LRRTM3: variants seen among roughly 807,000 people sequenced by gnomAD.
The protein encoded by LRRTM3 is leucine rich repeat transmembrane neuronal 3.
LRRTM3 carries 24 observed loss-of-function variants against 44.7 expected under a neutral mutation model. That is an observed-to-expected ratio of 0.54 (90% CI 0.39 to 0.76). The LOEUF (loss-of-function observed/expected upper bound fraction) is 0.76. Ranked by LOEUF, LRRTM3 falls within the 30% of genes least tolerant of loss-of-function variation. The probability of loss-of-function intolerance (pLI) is 0.00; values close to 1 mark genes in which losing one functional copy is unlikely to be tolerated. For synonymous variants in LRRTM3, 277 were observed against 278.7 expected, an observed-to-expected ratio of 0.99 and a Z score of 0.06; for missense variants, 587 against 702.2, an observed-to-expected ratio of 0.84 and a Z score of 1.85.
chr10:67,006,219 A>G (rs931185812), intron 2 of LRRTM3, among the ~76,000 whole-genome samples: 1 of 152,088 alleles, frequency 6.6e-6, no homozygotes, highest in African/African-American at 2.4e-5. Flanking sequence ...CAGAGTCAGG[A>G]TTTAAGTTTA....
In LRRTM3 at chr10:67,099,456, C is replaced by A. The variant is rs962521230; in HGVS notation, c.*1660C>A. The A allele has an allele frequency of 2.0e-5, 3 of 151,476 alleles. No homozygotes were observed. Among genetic ancestry groups the A allele is most frequent in the African/African-American group, 7.3e-5 (3 of 41,268 alleles). 9.4% of individuals were successfully genotyped at this position (151,476 alleles called of 1,614,324 possible). A position where few individuals can be genotyped will look rare whatever the true frequency, so the allele number is the denominator to read the frequency against. ...TCAATCTAACAGGGGCCAATCAAAACAATGAAGAAAAGAATAACTGAAAAC... is the reference window on the plus strand; with the variant it reads ...TCAATCTAACAGGGGCCAATCAAAAAAATGAAGAAAAGAATAACTGAAAAC... On this transcript the variant is annotated 3_prime_UTR_variant, in exon 3 of 3. Coordinates refer to ENST00000361320, the MANE Select transcript of LRRTM3 (RefSeq NM_178011.5).
intron 2 of LRRTM3, among the ~76,000 whole-genome samples, chr10:67,096,968 G>C (rs1034192342): frequency 2.0e-5 from 3 of 151,906 alleles, no homozygotes; most frequent in Non-Finnish European, 4.4e-5. Flanking sequence ...TCATGGGTAA[G>C]AATAGCCAGA....
intron 2 of LRRTM3, among the ~76,000 whole-genome samples, chr10:67,039,350 T>A (rs962950226): frequency 1.3e-5 from 2 of 152,088 alleles, no homozygotes; most frequent in Non-Finnish European, 2.9e-5. Flanking sequence ...TTCTAAGAAG[T>A]TTTTTCTGGA....
chr10:66,983,607 C>CA (rs200680324), intron 2 of LRRTM3, among the ~76,000 whole-genome samples: 3,931 of 152,198 alleles, frequency 0.026, 75 homozygotes, highest in South Asian at 0.071. Flanking sequence ...TCAAACATAA[C>CA]AAAATTGATA....
intron 2 of LRRTM3, among the ~76,000 whole-genome samples, chr10:66,970,502 T>G (rs895307102): frequency 5.1e-5 from 7 of 138,606 alleles, no homozygotes; most frequent in African/African-American, 5.3e-5. Context: ...TATTCTTGGG[T>G]GGGGGGGGGA....
intron 2 of LRRTM3, among the ~76,000 whole-genome samples, chr10:66,953,457 A>G (rs1445468394): frequency 6.6e-6 from 1 of 152,266 alleles, no homozygotes; most frequent in East Asian, 1.9e-4. Flanking sequence ...TGATGATTAC[A>G]TTACATTTTT....
chr10:66,998,104 G>A lies in LRRTM3; in HGVS notation c.1536+69652G>A, dbSNP rs150429409. Among the ~76,000 whole-genome samples, 863 of 152,190 alleles carry A rather than the reference G, an allele frequency of 5.7e-3. 8 individuals are homozygous for A. Among genetic ancestry groups the A allele is most frequent in the Non-Finnish European group, 7.4e-3 (503 of 68,006 alleles). On this transcript the variant is annotated intron_variant, in intron 2 of 2. Coordinates refer to ENST00000361320, the MANE Select transcript of LRRTM3 (RefSeq NM_178011.5). Reference sequence around the variant, plus strand: ...TGTAATTATATTTCTAAAATGAGATGGCTGATGCCATTCCCCTACATAAAT... The same window carrying A: ...TGTAATTATATTTCTAAAATGAGATAGCTGATGCCATTCCCCTACATAAAT...
At chr10:66,932,439 T>TA (rs1473817015) in intron 2 of LRRTM3, among the ~76,000 whole-genome samples, 23 of 152,066 alleles carry the variant, frequency 1.5e-4, no homozygotes, top group African/African-American at 5.1e-4. Context: ...CCATGAGAAA[T>TA]AAAAAATTCA....
chr10:67,053,877 T>G (rs1048170715), intron 2 of LRRTM3, among the ~76,000 whole-genome samples: 1 of 152,146 alleles, frequency 6.6e-6, no homozygotes, highest in Non-Finnish European at 1.5e-5. Flanking sequence ...TATCTATGAC[T>G]TGTGCTAGAA....
At chr10:66,965,915 C>T (rs1474132639) in intron 2 of LRRTM3, among the ~76,000 whole-genome samples, 4 of 152,154 alleles carry the variant, frequency 2.6e-5, no homozygotes, top group Non-Finnish European at 5.9e-5. Context: ...CTTGGCAATT[C>T]CAAAGCCTGT....
At chr10:67,070,633 G>A (rs761212290) in intron 2 of LRRTM3, among the ~76,000 whole-genome samples, 5 of 151,938 alleles carry the variant, frequency 3.3e-5, no homozygotes, top group Non-Finnish European at 7.4e-5. Flanking sequence ...TGTCTTCCCA[G>A]CTGCTTGGGA....
At chr10:66,967,385 CAT>C (rs1255151625) in intron 2 of LRRTM3, among the ~76,000 whole-genome samples, 2 of 151,350 alleles carry the variant, frequency 1.3e-5, no homozygotes, top group Non-Finnish European at 2.9e-5. Context: ...CATATATCTA[CAT>C]ATGTGTATAT....
At chr10:66,931,454 T>C (rs192074929) in intron 2 of LRRTM3, among the ~76,000 whole-genome samples, 3 of 152,334 alleles carry the variant, frequency 2.0e-5, no homozygotes, top group Admixed American at 1.3e-4. Flanking sequence ...TGACATTACA[T>C]CTTTTCAAAG....
chr10:66,941,839 C>A (rs1323510127), intron 2 of LRRTM3, among the ~76,000 whole-genome samples: 1 of 152,132 alleles, frequency 6.6e-6, no homozygotes, highest in African/African-American at 2.4e-5. Flanking sequence ...TTTATTATAT[C>A]AGTACATCAG....
intron 2 of LRRTM3, among the ~76,000 whole-genome samples, chr10:67,085,987 A>C (rs2131893131): frequency 6.6e-6 from 1 of 152,104 alleles, no homozygotes; most frequent in African/African-American, 2.4e-5. Flanking sequence ...CCTACACATA[A>C]TTCCACCCTA....
chr10:67,066,507 A>C (rs1856095508), intron 2 of LRRTM3, among the ~76,000 whole-genome samples: 1 of 149,824 alleles, frequency 6.7e-6, no homozygotes, highest in South Asian at 2.1e-4. Flanking sequence ...CTTGCTTTTT[A>C]AGATACAGTT....
At position 67,038,534 on chromosome 10, in the gene LRRTM3, T is replaced by C. The variant is rs1374681588; in HGVS notation, c.1537-59053T>C. ...GAGGTTGATATATATTCTGATATCA[T>C]GGAAATTTCAATGGATTATAAAATC... On this transcript the variant is annotated intron_variant, in intron 2 of 2. Coordinates refer to ENST00000361320, the MANE Select transcript of LRRTM3 (RefSeq NM_178011.5). 2.6e-5 allele frequency among the ~76,000 whole-genome samples: 4 copies of C among 152,230 alleles called. No individual in the cohort carries two copies. The East Asian group carries it at 7.7e-4, about 29-fold the overall frequency.
At position 67,019,767 on chromosome 10, in the gene LRRTM3, C is replaced by T. The variant is rs540791300; in HGVS notation, c.1537-77820C>T. Among the ~76,000 whole-genome samples, 7 of 152,216 alleles carry T rather than the reference C, an allele frequency of 4.6e-5. No homozygotes were observed. In the South Asian group the frequency reaches 1.5e-3, roughly 32 times the overall value. ...CCTTTGTCTCCATGAATACCATCTA[C>T]CCTGTTTGTCCTATTTGACTTTTGA... On this transcript the variant is annotated intron_variant, in intron 2 of 2. Coordinates refer to ENST00000361320, the MANE Select transcript of LRRTM3 (RefSeq NM_178011.5).
intron 2 of LRRTM3, among the ~76,000 whole-genome samples, chr10:66,942,933 A>G (rs980097946): frequency 6.6e-6 from 1 of 152,242 alleles, no homozygotes; most frequent in Non-Finnish European, 1.5e-5. Flanking sequence ...AAGAATTCCA[A>G]TGGGCACTTA....
Sources: allele counts gnomAD v4.1 joint callset (sites outside exome capture counted in the v4.1 genomes callset), GRCh38; gene constraint gnomAD v4.1.1; transcripts MANE v1.5; gene names NCBI Gene and HGNC (gene_info 2026-07-23, HGNC 2026-07-21).